Variants in HEMK2 observed in about 807,000 individuals in gnomAD.
The protein encoded by HEMK2 is HemK methyltransferase 2, ETF1 glutamine and histone H4 lysine.
At chr21:28,671,575 A>C in the HEMK2 span, among the ~76,000 whole-genome samples, 1 of 152,210 alleles carries the variant, frequency 6.6e-6, no homozygotes, top group Non-Finnish European at 1.5e-5. Flanking sequence ...ATGATGATAA[A>C]TACAACCTGG....
chr21:28,795,802 T>A, the HEMK2 span, among the ~76,000 whole-genome samples: 1 of 152,126 alleles, frequency 6.6e-6, no homozygotes, highest in Non-Finnish European at 1.5e-5. Context: ...AAAAGGAAAT[T>A]TGGTTTACAA....
the HEMK2 span, among the ~76,000 whole-genome samples, chr21:28,810,855 C>A: frequency 6.6e-6 from 1 of 152,144 alleles, no homozygotes; most frequent in Admixed American, 6.5e-5. Flanking sequence ...TGTCTGCTCC[C>A]CAATGGAAAC....
the HEMK2 span, among the ~76,000 whole-genome samples, chr21:28,832,077 C>T: frequency 2.0e-5 from 3 of 152,192 alleles, no homozygotes; most frequent in East Asian, 5.8e-4. Flanking sequence ...CATTACTGTA[C>T]ATAAAGCTTT....
the HEMK2 span, among the ~76,000 whole-genome samples, chr21:28,852,499 G>A: frequency 6.6e-6 from 1 of 152,198 alleles, no homozygotes; most frequent in Non-Finnish European, 1.5e-5. Flanking sequence ...CCAGTGTCCA[G>A]TAGTCCCTGA....
the HEMK2 span, among the ~76,000 whole-genome samples, chr21:28,593,549 C>T: frequency 1.3e-5 from 2 of 152,138 alleles, no homozygotes; most frequent in Non-Finnish European, 2.9e-5. Flanking sequence ...AGAGAAATGG[C>T]TGATTCCAGG....
At chr21:28,813,208 G>A in the HEMK2 span, among the ~76,000 whole-genome samples, 6 of 152,178 alleles carry the variant, frequency 3.9e-5, no homozygotes, top group African/African-American at 7.2e-5. Flanking sequence ...AAACCCTATC[G>A]TCTCAGCCCC....
chr21:28,870,115 T>G, the HEMK2 span, among the ~76,000 whole-genome samples: 27,035 of 152,156 alleles, frequency 0.18, 2,483 homozygotes, highest in South Asian at 0.23. Flanking sequence ...CTAAAAGACT[T>G]TTCAAATATA....
chr21:28,807,670 G>T, the HEMK2 span, among the ~76,000 whole-genome samples: 2 of 152,142 alleles, frequency 1.3e-5, no homozygotes, highest in Non-Finnish European at 2.9e-5. Context: ...CCTGGAGAGA[G>T]TCCTTAGTGG....
the HEMK2 span, among the ~76,000 whole-genome samples, chr21:28,702,121 T>C: frequency 2.0e-5 from 3 of 152,112 alleles, no homozygotes; most frequent in African/African-American, 7.2e-5. Flanking sequence ...GATAACTAGC[T>C]AGCCATATGC....
the HEMK2 span, among the ~76,000 whole-genome samples, chr21:28,630,262 T>TA: frequency 3.3e-5 from 5 of 152,190 alleles, no homozygotes; most frequent in Middle Eastern, 3.4e-3. Context: ...TGGCGATCAT[T>TA]AAAAAATCAG....
the HEMK2 span, among the ~76,000 whole-genome samples, chr21:28,609,853 T>A: frequency 1.1e-3 from 164 of 152,218 alleles, 2 homozygotes; most frequent in Non-Finnish European, 2.5e-4. Context: ...TAACTCAATC[T>A]GACAAAGACA....
chr21:28,716,704 A>G, the HEMK2 span, among the ~76,000 whole-genome samples: 27,205 of 152,104 alleles, frequency 0.18, 2,575 homozygotes, highest in Middle Eastern at 0.31. Context: ...TCTTAAGGGA[A>G]ATGCTTCCAG....
the HEMK2 span, among the ~76,000 whole-genome samples, chr21:28,633,862 C>G: frequency 6.6e-6 from 1 of 152,154 alleles, no homozygotes; most frequent in Non-Finnish European, 1.5e-5. Flanking sequence ...AACCTATCTG[C>G]CATCCGTCTC....
chr21:28,796,977 T>C, the HEMK2 span, among the ~76,000 whole-genome samples: 1 of 152,228 alleles, frequency 6.6e-6, no homozygotes, highest in African/African-American at 2.4e-5. Flanking sequence ...TATATTTATA[T>C]TTTTAGTTTA....
the HEMK2 span, among the ~76,000 whole-genome samples, chr21:28,880,928 TAAAAAAAAAAAA>T: frequency 9.6e-6 from 1 of 104,462 alleles, no homozygotes; most frequent in Non-Finnish European, 1.7e-5. Context: ...ATCATTTATT[TAAAAAAAAAAAA>T]AAAAAAAAAA....
chr21:28,759,572 G>A, the HEMK2 span, among the ~76,000 whole-genome samples: 1 of 152,084 alleles, frequency 6.6e-6, no homozygotes, highest in Admixed American at 6.5e-5. Context: ...GAAATGTGAG[G>A]ACATGAGATT....
At chr21:28,734,081 C>T in the HEMK2 span, among the ~76,000 whole-genome samples, 12 of 152,234 alleles carry the variant, frequency 7.9e-5, no homozygotes, top group South Asian at 2.5e-3. Flanking sequence ...GCAATCAAAC[C>T]TTCTAAGTCC....
the HEMK2 span, among the ~76,000 whole-genome samples, chr21:28,855,204 T>C: frequency 1.4e-5 from 2 of 147,942 alleles, no homozygotes; most frequent in African/African-American, 4.9e-5. Flanking sequence ...AAAGCAGGGG[T>C]TGCTATTCTA....
the HEMK2 span, among the ~76,000 whole-genome samples, chr21:28,777,255 C>T: frequency 6.6e-6 from 1 of 152,158 alleles, no homozygotes; most frequent in Non-Finnish European, 1.5e-5. Flanking sequence ...GTTTTGTCAT[C>T]TTTAGAATGT....
Sources: allele counts gnomAD v4.1 joint callset (sites outside exome capture counted in the v4.1 genomes callset), GRCh38; gene constraint gnomAD v4.1.1; transcripts MANE v1.5; gene names NCBI Gene and HGNC (gene_info 2026-07-23, HGNC 2026-07-21).